Variants in SMOC2 observed in about 807,000 individuals in gnomAD.
SMOC2 encodes SPARC related modular calcium binding 2, also known as SPARC-related modular calcium-binding protein 2.
In SMOC2, 39 loss-of-function variants were observed where a neutral mutation model predicts 61.4. The ratio of observed to expected loss-of-function variants is 0.64; its 90% CI spans 0.49 to 0.83. SMOC2 has a LOEUF of 0.83. Ranked by LOEUF, SMOC2 falls within the 40% of genes least tolerant of loss-of-function variation. The pLI is 0.00. For missense variants in SMOC2, 556 were observed against 592.9 expected (o/e 0.94, Z 0.65); for synonymous variants, 247 against 239.9 (o/e 1.03, Z -0.27).
At chr6:168,510,850 TA>T (rs1249046737) in intron 2 of SMOC2, among the ~76,000 whole-genome samples, 1 of 152,202 alleles carries the variant, frequency 6.6e-6, no homozygotes, top group Non-Finnish European at 1.5e-5. Flanking sequence ...AGATTTCAGT[TA>T]CTTTTGCAGA....
intron 3 of SMOC2, among the ~76,000 whole-genome samples, 155 bp from the exon 4 acceptor site, chr6:168,527,469 ACTTT>A (rs1017649331): frequency 1.3e-5 from 2 of 152,238 alleles, no homozygotes; most frequent in African/African-American, 4.8e-5. Flanking sequence ...AGACCTGCAC[ACTTT>A]CTTTACCGAG....
chr6:168,488,988 T>C (rs1782401829), intron 1 of SMOC2, among the ~76,000 whole-genome samples: 1 of 150,100 alleles, frequency 6.7e-6, no homozygotes, highest in East Asian at 2.0e-4. Flanking sequence ...CTGGGTCCTC[T>C]TGGATCACAG....
intron 4 of SMOC2, among the ~76,000 whole-genome samples, chr6:168,531,539 G>T (rs900062346): frequency 2.0e-5 from 3 of 152,196 alleles, no homozygotes; most frequent in African/African-American, 7.2e-5. Context: ...CTGAGGGAGG[G>T]CTGGGAAGGA....
At chr6:168,537,186 G>A (rs542176743) in intron 4 of SMOC2, among the ~76,000 whole-genome samples, 19 of 150,896 alleles carry the variant, frequency 1.3e-4, no homozygotes, top group African/African-American at 3.7e-4. Flanking sequence ...GCAGTCTGCA[G>A]GCTTGAGAAG....
At chr6:168,470,742 A>T (rs2115013099) in intron 1 of SMOC2, among the ~76,000 whole-genome samples, 1 of 152,304 alleles carries the variant, frequency 6.6e-6, no homozygotes, top group Non-Finnish European at 1.5e-5. Context: ...CTGTGACATT[A>T]CTTTGTTCTA....
Position 168,653,235 on chromosome 6 carries a change from G to A in SMOC2, c.1285+7G>A. 6.2e-7 allele frequency: 1 copy of A among 1,610,094 alleles called. No individual in the cohort carries two copies. Among genetic ancestry groups the A allele is most frequent in the South Asian group, 1.1e-5 (1 of 90,804 alleles). On this transcript the variant is annotated splice_region_variant and intron_variant, in intron 11 of 12. Transcript: ENST00000356284. ...GACACCAAGAAACGCCACAGTAAGA[G>A]CTTTCCCACCCCCGACCCTGGGCAG...
rs115294691 is a variant in SMOC2 at position 168,503,543 on chromosome 6, G to A, written c.85-6372G>A. Among the ~76,000 whole-genome samples, 1,059 of 152,234 alleles carry A rather than the reference G, an allele frequency of 7.0e-3. 19 individuals carry two copies. Among genetic ancestry groups the A allele is most frequent in the African/African-American group, 0.024 (1,000 of 41,518 alleles). On this transcript the variant is annotated intron_variant, in intron 1 of 12. Coordinates refer to ENST00000356284, the MANE Select transcript of SMOC2 (RefSeq NM_001166412.2). ...CATGGTGGTTTTCTTCATGGTACTC[G>A]TCCACATATGAAAGAGCTCGTTATT...
chr6:168,538,942 C>T (rs1783813696), intron 4 of SMOC2, among the ~76,000 whole-genome samples: 2 of 152,034 alleles, frequency 1.3e-5, no homozygotes, highest in Non-Finnish European at 1.5e-5. Flanking sequence ...GAGATGAGCC[C>T]CAGGGTCAGG....
chr6:168,577,589 G>T (rs536341929), intron 7 of SMOC2, among the ~76,000 whole-genome samples: 1 of 152,168 alleles, frequency 6.6e-6, no homozygotes, highest in African/African-American at 2.4e-5. Context: ...TGCTAAGATC[G>T]CCAGTGGCTG....
intron 9 of SMOC2, among the ~76,000 whole-genome samples, chr6:168,641,785 A>G (rs1786896762): frequency 6.6e-6 from 1 of 152,214 alleles, no homozygotes; most frequent in Non-Finnish European, 1.5e-5. Context: ...GAACTTCCTA[A>G]TTCTTTTCAG....
intron 1 of SMOC2, among the ~76,000 whole-genome samples, chr6:168,492,401 C>A (rs1269527672): frequency 6.6e-6 from 1 of 152,202 alleles, no homozygotes; most frequent in Non-Finnish European, 1.5e-5. Context: ...GAAGCTCTAC[C>A]ACCTCTCAGC....
At chr6:168,661,691 T>C (rs1234259545) in intron 11 of SMOC2, among the ~76,000 whole-genome samples, 2 of 152,230 alleles carry the variant, frequency 1.3e-5, no homozygotes, top group Non-Finnish European at 2.9e-5. Flanking sequence ...CAGCTACTTC[T>C]AACTCCCAGG....
intron 7 of SMOC2, among the ~76,000 whole-genome samples, chr6:168,555,890 C>T (rs1446803399): frequency 6.6e-6 from 1 of 152,192 alleles, no homozygotes; most frequent in Non-Finnish European, 1.5e-5. Context: ...CGAGGCAGCA[C>T]CGGGCAGTCC....
At chr6:168,641,926 A>G (rs2115262182) in intron 9 of SMOC2, among the ~76,000 whole-genome samples, 1 of 152,396 alleles carries the variant, frequency 6.6e-6, no homozygotes, top group Admixed American at 6.5e-5. Context: ...AAAATCAAGG[A>G]TATGAAAATA....
intron 8 of SMOC2, among the ~76,000 whole-genome samples, chr6:168,602,009 T>C (rs1341098656): frequency 6.6e-6 from 1 of 152,222 alleles, no homozygotes; most frequent in Non-Finnish European, 1.5e-5. Context: ...CTCCTTTGAT[T>C]CTGCATGTAA....
chr6:168,518,424 AGTGTGCATGT>A (rs1400161367), intron 2 of SMOC2, among the ~76,000 whole-genome samples: 4 of 146,358 alleles, frequency 2.7e-5, no homozygotes, highest in Admixed American at 6.8e-5. Flanking sequence ...TGTGTGCATG[AGTGTGCATGT>A]GTGACTGTGA....
chr6:168,627,228 G>A (rs79510678), intron 9 of SMOC2, among the ~76,000 whole-genome samples: 2,959 of 152,302 alleles, frequency 0.019, 104 homozygotes, highest in African/African-American at 0.068. Context: ...TCTGCTGACT[G>A]CAGGGTTATG....
intron 9 of SMOC2, among the ~76,000 whole-genome samples, chr6:168,624,644 T>G (rs1349147300): frequency 1.1e-5 from 1 of 87,194 alleles, no homozygotes; most frequent in Non-Finnish European, 2.5e-5. Flanking sequence ...CAGTACAAAT[T>G]CACACACAGA....
intron 1 of SMOC2, among the ~76,000 whole-genome samples, chr6:168,477,471 A>G (rs1006182288): frequency 2.0e-5 from 3 of 152,216 alleles, no homozygotes; most frequent in Non-Finnish European, 2.9e-5. Context: ...AAGTATGACC[A>G]ATTGGTATTT....
Sources: gnomAD v4.1 joint callset for allele counts (sites outside exome capture counted in the v4.1 genomes callset) on GRCh38, gnomAD v4.1.1 for gene constraint, MANE v1.5 for transcripts, NCBI Gene and HGNC (gene_info 2026-07-23, HGNC 2026-07-21) for gene names.